Variants in CDHR4 observed in about 807,000 individuals in gnomAD.
The protein encoded by CDHR4 is cadherin related family member 4, also known as cadherin-related family member 4.
In CDHR4, 89 loss-of-function variants were observed where a neutral mutation model predicts 88.4. That is an observed-to-expected ratio of 1.01 (90% CI 0.85 to 1.20). The LOEUF is 1.20. CDHR4 is among the 50% of genes most tolerant of loss of function. The pLI, the probability that CDHR4 is intolerant of heterozygous loss-of-function variation, is 0.00. For missense variants in CDHR4, 914 were observed against 1,007.2 expected (o/e 0.91, Z 1.25); for synonymous variants, 368 against 399.2 (o/e 0.92, Z 0.93).
chr3:49,792,107 A>T (rs2108275617), intron 15 of CDHR4, 148 bp from the exon 16 acceptor site: 1 of 853,976 alleles, frequency 1.2e-6, no homozygotes, highest in Middle Eastern at 3.5e-4. Flanking sequence ...CCCTGGGCTC[A>T]GTCCTATGTC....
At chr3:49,796,197 ACT>A (rs761101192) in intron 5 of CDHR4, among the ~76,000 whole-genome samples, 151 bp from the exon 6 acceptor site, 1 of 152,110 alleles carries the variant, frequency 6.6e-6, no homozygotes, top group Non-Finnish European at 1.5e-5. Flanking sequence ...ATGACCTGTC[ACT>A]CTGCTGACAA....
intron 4 of CDHR4, chr3:49,798,127 C>T (rs1213745068): frequency 6.6e-6 from 1 of 151,208 alleles, no homozygotes; most frequent in Non-Finnish European, 1.5e-5. Context: ...AGGCTAGTCT[C>T]GAACTCCTGA....
chr3:49,792,532 ACAC>A lies in CDHR4; in HGVS notation c.2071_2073del (p.Val691del). On this transcript the variant is annotated inframe_deletion, in exon 15 of 19. Transcript: ENST00000412678. ...AGGAGAAGAGCACCAGTTGCTGTCA[ACAC>A]CACCACAAACCAGGGCTGTGGCTGC... 1 of 1,551,696 alleles carries A rather than the reference ACAC, an allele frequency of 6.4e-7. No homozygotes were observed.
intron 14 of CDHR4, 65 bp from the exon 15 acceptor site, chr3:49,792,675 C>T (rs189028062): frequency 3.2e-6 from 5 of 1,539,572 alleles, no homozygotes; most frequent in African/African-American, 1.4e-5. Flanking sequence ...AGCCTTCCAA[C>T]CCTTCCCCGG....
intron 9 of CDHR4, 59 bp from the exon 10 acceptor site, chr3:49,794,760 A>C: frequency 2.7e-6 from 4 of 1,466,658 alleles, no homozygotes; most frequent in Non-Finnish European, 3.7e-6. Context: ...CCTGAGCCAC[A>C]CGGGGCTGCT....
At chr3:49,800,476 G>A (rs1376219083), upstream of CDHR4, among the ~76,000 whole-genome samples, 2 of 151,646 alleles carry the variant, frequency 1.3e-5, no homozygotes, top group African/African-American at 4.9e-5. Flanking sequence ...TCATGATTGT[G>A]CCACTGTACT....
At position 49,793,926 on chromosome 3, in the gene CDHR4, C is replaced by T; in HGVS notation, c.1360G>A (p.Glu454Lys). 6.4e-7 allele frequency: 1 copy of T among 1,551,782 alleles called. No homozygotes were observed. The highest frequency in any genetic ancestry group is 1.7e-4 in the Middle Eastern group (1 of 5,992). ...AGTAGAGTGTGGGGCGCCGCATCCT[C>T]CTGAACCCGGAACGTGCGAGGGGCA... ...ACAPRTFRVQ[E>K]DAAPHTLLGS... is the part of the protein sequence containing the mutation. Residue 454 changes from glutamate to lysine, a missense_variant, in exon 11 of 19, where the codon GAG (glutamate) becomes AAG (lysine). Coordinates refer to ENST00000412678, the MANE Select transcript of CDHR4 (RefSeq NM_001007540.4).
At chr3:49,798,358 G>T (rs1201172115) in intron 4 of CDHR4, 1 of 162,290 alleles carries the variant, frequency 6.2e-6, no homozygotes, top group Non-Finnish European at 1.3e-5. Context: ...AGGCCGAGGT[G>T]GGGAGATCAC....
chr3:49,792,683 C>A, intron 14 of CDHR4, 73 bp from the exon 15 acceptor site: 1 of 1,529,170 alleles, frequency 6.5e-7, no homozygotes, highest in South Asian at 1.2e-5. Context: ...AACCCTTCCC[C>A]GGGCTAAGCC....
intron 4 of CDHR4, among the ~76,000 whole-genome samples, chr3:49,798,017 C>T (rs6790568): frequency 0.17 from 26,257 of 150,422 alleles, 2,586 homozygotes; most frequent in African/African-American, 0.25. Flanking sequence ...AAGCGATGCT[C>T]CTGCCTCAGC....
chr3:49,799,030 T>C lies in CDHR4; in HGVS notation c.367A>G (p.Ser123Gly), dbSNP rs2081319687. 6.2e-7 allele frequency: 1 copy of C among 1,604,900 alleles called. No individual in the cohort carries two copies. The highest frequency in any genetic ancestry group is 1.3e-5 in the African/African-American group (1 of 74,768). ...SLSVDVQRDLSHIQCAGQFAS... is the reference protein window; with the variant it reads ...SLSVDVQRDLGHIQCAGQFAS... ...AATTGACCAGCACACTGGATATGGC[T>C]AAGGTCCCGCTGCACATCCACAGAG... The change falls in exon 3 of 19, where the codon AGC (serine) becomes GGC (glycine). Residue 123 changes from serine (S) to glycine (G), a missense_variant. Physicochemically the swap from Ser to Gly is moderately conservative, Grantham distance 56. Transcript: ENST00000412678.
At position 49,799,277 on chromosome 3, in the gene CDHR4, C is replaced by T. The variant is rs1427868281; in HGVS notation, c.210G>A (p.Leu70=). 6.2e-7 allele frequency: 1 copy of T among 1,613,722 alleles called. No homozygotes were observed. Among genetic ancestry groups the T allele is most frequent in the Non-Finnish European group, 8.5e-7 (1 of 1,179,700 alleles). The change falls in exon 2 of 19, where the codon TTG becomes TTA. Residue 70 remains leucine (L), a synonymous_variant. Transcript: ENST00000412678. ...CCACATAGGTCCCTTGCCACCTGGC[C>T]AAGCTGGGTGGGTTGAAGAAGGTGG... The part of the protein sequence containing the change: ...PPTTFFNPPS[L]ARWQGTYVGK...
At position 49,794,686 on chromosome 3, in the gene CDHR4, C is replaced by A; in HGVS notation, c.1201G>T (p.Asp401Tyr). The A allele has an allele frequency of 1.3e-6, 2 of 1,551,214 alleles. No individual in the cohort carries two copies. The highest frequency in any genetic ancestry group is 1.7e-6 in the Non-Finnish European group (2 of 1,146,764). The change falls in exon 10 of 19, where the codon GAC becomes TAC. Residue 401 changes from aspartate (D) to tyrosine (Y), a missense_variant. Coordinates refer to ENST00000412678, the MANE Select transcript of CDHR4 (RefSeq NM_001007540.4). ...AAGCAGGCTCCAGGAGTGTCACAGT[C>A]CAGTGTGGCATTCACCTAGCCAAAG... Reference protein sequence around the residue: ...DRVLEVNATLDCDTPGACFQH... With the variant: ...DRVLEVNATLYCDTPGACFQH...
chr3:49,800,451 C>A (rs1287033586), upstream of CDHR4, among the ~76,000 whole-genome samples: 1 of 151,332 alleles, frequency 6.6e-6, no homozygotes. Context: ...CCCAAGAGAT[C>A]GAGGCTGCAG....
chr3:49,794,728 T>C, intron 9 of CDHR4, 27 bp from the exon 10 acceptor site: 1 of 1,539,806 alleles, frequency 6.5e-7, no homozygotes. Flanking sequence ...GAAAGTGAGG[T>C]CCAGCCAGGG....
intron 9 of CDHR4, 47 bp from the exon 10 acceptor site, chr3:49,794,748 G>T: frequency 1.3e-6 from 2 of 1,507,822 alleles, no homozygotes; most frequent in African/African-American, 1.4e-5. Context: ...GCCTGAGAGA[G>T]CCCTGAGCCA....
chr3:49,796,194 G>T, intron 5 of CDHR4, 148 bp from the exon 6 acceptor site: 2 of 582,126 alleles, frequency 3.4e-6, no homozygotes, highest in Non-Finnish European at 6.0e-6. Context: ...CCCATGACCT[G>T]TCACTCTGCT....
chr3:49,797,780 C>T (rs1474856014), intron 4 of CDHR4, among the ~76,000 whole-genome samples: 1 of 152,122 alleles, frequency 6.6e-6, no homozygotes, highest in African/African-American at 2.4e-5. Context: ...TGTGCCCAGC[C>T]TGACACCCAG....
In CDHR4 at chr3:49,796,017, A is replaced by G. The variant is rs1266867303; in HGVS notation, c.636T>C (p.Phe212=). Residue 212 remains phenylalanine, a synonymous_variant, in exon 6 of 19, where the codon TTT becomes TTC. Coordinates refer to ENST00000412678, the MANE Select transcript of CDHR4 (RefSeq NM_001007540.4). ...KVFQLQISVS[F]GQRQSCQGMV... ...TCCCTTGGCAGCTTTGCCTTTGTCC[A>G]AAGGACACTGAGATTTGCAGCTGGA... is the stretch of plus-strand genomic sequence containing the variant. 5.3e-5 allele frequency: 82 copies of G among 1,538,168 alleles called. No homozygotes were observed. The highest frequency in any genetic ancestry group is 2.6e-6 in the Non-Finnish European group (3 of 1,142,072).
Sources: allele counts gnomAD v4.1 joint callset (sites outside exome capture counted in the v4.1 genomes callset), GRCh38; gene constraint gnomAD v4.1.1; transcripts MANE v1.5; gene names NCBI Gene and HGNC (gene_info 2026-07-23, HGNC 2026-07-21).